MAP1B: variants seen among roughly 807,000 people sequenced by gnomAD.
The protein encoded by MAP1B is microtubule associated protein 1B, also known as microtubule-associated protein 1B.
A neutral mutation model predicts 176.1 loss-of-function variants in MAP1B; 12 were observed. The observed-to-expected ratio is 0.07, with a 90% CI of 0.04 to 0.11. The LOEUF is 0.11. Ranked by LOEUF, MAP1B falls within the 10% of genes least tolerant of loss-of-function variation. MAP1B has a pLI of 1.00. For synonymous variants in MAP1B, 1,044 were observed against 1,135.0 expected, an observed-to-expected ratio of 0.92 and a Z score of 1.61; for missense variants, 2,523 against 2,990.5, an observed-to-expected ratio of 0.84 and a Z score of 3.65.
intron 2 of MAP1B, among the ~76,000 whole-genome samples, chr5:72,168,325 C>T (rs929914181): frequency 1.3e-5 from 2 of 152,168 alleles, no homozygotes; most frequent in African/African-American, 4.8e-5. Context: ...TCTGGCAGAG[C>T]TTGATTTGGT....
Position 72,195,825 on chromosome 5 carries a change from G to A in MAP1B, c.2470G>A (p.Glu824Lys), listed in dbSNP as rs1260543366. The A allele has an allele frequency of 1.2e-6, 2 of 1,614,098 alleles. No homozygotes were observed. Among genetic ancestry groups the A allele is most frequent in the African/African-American group, 1.3e-5 (1 of 74,944 alleles). The change falls in exon 5 of 7, where the codon GAA becomes AAA. Residue 824 changes from glutamate (E) to lysine (K), a missense_variant. Transcript: ENST00000296755. ...IAAIGPAKEL[E>K]AERSLMSSPE... ...AGCCATTGGCCCTGCCAAAGAACTC[G>A]AAGCTGAGAGGTCCCTTATGTCATC...
chr5:72,120,295 G>T (rs990914723), intron 2 of MAP1B, among the ~76,000 whole-genome samples: 1 of 152,078 alleles, frequency 6.6e-6, no homozygotes, highest in Non-Finnish European at 1.5e-5. Flanking sequence ...TACAGATTCT[G>T]GAGTCAAACT....
At position 72,199,352 on chromosome 5, in the gene MAP1B, C is replaced by T. The variant is rs146865737; in HGVS notation, c.5997C>T (p.His1999=). The T allele has an allele frequency of 1.9e-3, 3,123 of 1,614,130 alleles. 6 individuals are homozygous for T. Among genetic ancestry groups the T allele is most frequent in the Non-Finnish European group, 2.3e-3 (2,662 of 1,180,018 alleles). The change falls in exon 5 of 7, where the codon CAC becomes CAT. Residue 1999 remains histidine, a synonymous_variant. Coordinates refer to ENST00000296755, the MANE Select transcript of MAP1B (RefSeq NM_005909.5). The surrounding 1 kb of genome is among the most constrained non-coding windows in gnomAD (Gnocchi z 4.2). ...ATGATGACTCTGAGGATGGTGGCCACACACTTGGGGACCCCAGCTACTCTT... is the reference window on the plus strand; with the variant it reads ...ATGATGACTCTGAGGATGGTGGCCATACACTTGGGGACCCCAGCTACTCTT... ...NGYDDSEDGG[H]TLGDPSYSYE...
intron 2 of MAP1B, among the ~76,000 whole-genome samples, chr5:72,123,556 C>T (rs1745569129): frequency 6.6e-6 from 1 of 151,956 alleles, no homozygotes; most frequent in South Asian, 2.1e-4. Context: ...GCGATCTCGG[C>T]TCACTGCAAG....
chr5:72,190,293 T>C lies in MAP1B; in HGVS notation c.510+3539T>C, dbSNP rs564592466. 1.1e-4 allele frequency among the ~76,000 whole-genome samples: 17 copies of C among 152,178 alleles called. 1 individual carries two copies. The highest frequency in any genetic ancestry group is 3.1e-4 in the African/African-American group (13 of 41,518). ...TTTAAGGGCTCTTTTTTAAGAAAAATGAAACAATTATTAATATACAGTTAA... is the reference window on the plus strand; with the variant it reads ...TTTAAGGGCTCTTTTTTAAGAAAAACGAAACAATTATTAATATACAGTTAA... On this transcript the variant is annotated intron_variant, in intron 4 of 6. Coordinates refer to ENST00000296755, the MANE Select transcript of MAP1B (RefSeq NM_005909.5).
At chr5:72,114,191 G>A (rs1274507171) in intron 1 of MAP1B, among the ~76,000 whole-genome samples, 1 of 152,048 alleles carries the variant, frequency 6.6e-6, no homozygotes, top group Non-Finnish European at 1.5e-5. Flanking sequence ...TATTTTAGAT[G>A]TGCAGTGAAC....
intron 1 of MAP1B, 62 bp from the exon 2 acceptor site, chr5:72,115,636 G>T: frequency 1.1e-6 from 1 of 925,348 alleles, no homozygotes; most frequent in Non-Finnish European, 1.8e-6. Flanking sequence ...CAGTGATGTT[G>T]TCCAAACCAC....
intron 2 of MAP1B, among the ~76,000 whole-genome samples, chr5:72,166,711 A>G (rs1746438295): frequency 6.6e-6 from 1 of 152,134 alleles, no homozygotes; most frequent in Admixed American, 6.5e-5. Context: ...TTCGCCGAGG[A>G]TGTGTAAAGG....
At position 72,194,646 on chromosome 5, in the gene MAP1B, A is replaced by C. The variant is rs1177031129; in HGVS notation, c.1291A>C (p.Ser431Arg). 5 of 1,614,216 alleles carry C rather than the reference A, an allele frequency of 3.1e-6. No individual in the cohort carries two copies. The South Asian group carries it at 5.5e-5, about 18-fold the overall frequency. Residue 431 changes from serine to arginine, a missense_variant, in exon 5 of 7, where the codon AGC becomes CGC. Physicochemically the swap from Ser to Arg is moderately radical, Grantham distance 110. Around this residue, in one of 4 missense-constraint regions of MAP1B, gnomAD observed 1,925 missense variants for 2,126.0 expected, o/e 0.91. Transcript: ENST00000296755. This position sits in a 1 kb window ranked among gnomAD's most constrained non-coding sequence, Gnocchi z 7.2. ...EMYVLNPVKS[S>R]KEMQYFMQQW... ...GTATGTGCTTAATCCAGTCAAGAGC[A>C]GCAAGGAAATGCAGTATTTTATGCA...
At chr5:72,154,521 G>A (rs1281248955) in intron 2 of MAP1B, among the ~76,000 whole-genome samples, 1 of 152,208 alleles carries the variant, frequency 6.6e-6, no homozygotes, top group Non-Finnish European at 1.5e-5. Flanking sequence ...AAGTGTTGGA[G>A]CACTGAGGTT....
intron 2 of MAP1B, among the ~76,000 whole-genome samples, chr5:72,130,548 C>T (rs1440377590): frequency 6.6e-6 from 1 of 152,168 alleles, no homozygotes. Context: ...CAAACAATTT[C>T]TTTGTTGCAG....
chr5:72,128,837 G>T (rs1199366412), intron 2 of MAP1B, among the ~76,000 whole-genome samples: 2 of 152,150 alleles, frequency 1.3e-5, no homozygotes, highest in Admixed American at 6.5e-5. Flanking sequence ...AATTTTTGTA[G>T]AGACAGGGCC....
chr5:72,175,821 A>G (rs987248270), intron 2 of MAP1B, among the ~76,000 whole-genome samples: 5 of 152,254 alleles, frequency 3.3e-5, no homozygotes, highest in African/African-American at 1.2e-4. Context: ...AAAATTAGGT[A>G]TAGACTCAAA....
At position 72,203,539 on chromosome 5, in the gene MAP1B, T is replaced by A. The variant is rs547033840; in HGVS notation, c.7013-24T>A. The A allele has an allele frequency of 2.5e-6, 4 of 1,569,564 alleles. No individual in the cohort carries two copies. The South Asian group carries it at 4.4e-5, about 17-fold the overall frequency. ...TCTCTTCACCTTGCTATGACCTTGC[T>A]TTGTCTTTGTTTATTTACCCAAGGA... On this transcript the variant is annotated intron_variant, in intron 5 of 6. Transcript: ENST00000296755.
intron 2 of MAP1B, among the ~76,000 whole-genome samples, chr5:72,136,528 T>C (rs545931806): frequency 6.6e-6 from 1 of 152,176 alleles, no homozygotes; most frequent in Non-Finnish European, 1.5e-5. Context: ...TGGGATAATT[T>C]AAAACCTACC....
intron 2 of MAP1B, among the ~76,000 whole-genome samples, chr5:72,144,077 A>G (rs963168364): frequency 1.3e-5 from 2 of 152,122 alleles, no homozygotes; most frequent in South Asian, 4.1e-4. Flanking sequence ...ATTTTAACTA[A>G]TGACTTCTAT....
chr5:72,195,848 A>C lies in MAP1B; in HGVS notation c.2493A>C (p.Ser831=), dbSNP rs373931305. The change falls in exon 5 of 7, where the codon TCA becomes TCC. Residue 831 remains serine (S), a synonymous_variant. Transcript: ENST00000296755. ...KELEAERSLM[S]SPEDLTKDFE... is the part of the protein sequence containing the mutation. ...TCGAAGCTGAGAGGTCCCTTATGTC[A>C]TCTCCTGAGGATCTAACCAAGGACT... 2.5e-6 allele frequency: 4 copies of C among 1,614,090 alleles called. No individual in the cohort carries two copies. Among genetic ancestry groups the C allele is most frequent in the Non-Finnish European group, 3.4e-6 (4 of 1,180,040 alleles).
At chr5:72,183,011 G>A (rs1219338082) in intron 2 of MAP1B, among the ~76,000 whole-genome samples, 1 of 152,196 alleles carries the variant, frequency 6.6e-6, no homozygotes, top group African/African-American at 2.4e-5. Flanking sequence ...CTGTGAGCAG[G>A]GGGAGTCAGC....
In MAP1B at chr5:72,185,027, T is replaced by A. The variant is rs538776057; in HGVS notation, c.369+1202T>A. ...AACCTGCCTGTCCTGATTTGCCAATTCTGGACATTTCATATAAATATAATG... is the reference window on the plus strand; with the variant it reads ...AACCTGCCTGTCCTGATTTGCCAATACTGGACATTTCATATAAATATAATG... On this transcript the variant is annotated intron_variant, in intron 3 of 6. Coordinates refer to ENST00000296755, the MANE Select transcript of MAP1B (RefSeq NM_005909.5). Among the ~76,000 whole-genome samples, 289 of 152,282 alleles carry A rather than the reference T, an allele frequency of 1.9e-3. 1 individual carries two copies. Among genetic ancestry groups the A allele is most frequent in the African/African-American group, 6.7e-3 (277 of 41,562 alleles).
Sources: gnomAD v4.1 joint callset for allele counts (sites outside exome capture counted in the v4.1 genomes callset) on GRCh38, gnomAD v4.1.1 for gene constraint, gnomAD v4.1.1 regional missense constraint, Gnocchi (gnomAD v3.1) non-coding constraint, MANE v1.5 for transcripts, NCBI Gene and HGNC (gene_info 2026-07-23, HGNC 2026-07-21) for gene names.